ARHGAP24: variants seen among roughly 807,000 people sequenced by gnomAD.
ARHGAP24 encodes the protein Rho GTPase activating protein 24.
A neutral mutation model predicts 76.4 loss-of-function variants in ARHGAP24; 50 were observed. The observed-to-expected ratio is 0.65, with a 90% CI of 0.52 to 0.83. The LOEUF (loss-of-function observed/expected upper bound fraction) is 0.83. ARHGAP24 is among the 40% of genes least tolerant of loss of function. The pLI is 0.00. For synonymous variants in ARHGAP24, 345 were observed against 323.3 expected, an observed-to-expected ratio of 1.07 and a Z score of -0.72; for missense variants, 930 against 914.2, an observed-to-expected ratio of 1.02 and a Z score of -0.22.
intron 4 of ARHGAP24, chr4:85,931,063 T>C (rs926812394): frequency 8.7e-6 from 14 of 1,603,702 alleles, no homozygotes; most frequent in Non-Finnish European, 1.1e-5. Flanking sequence ...AATATGTTCA[T>C]GTCCTTTTTA....
intron 3 of ARHGAP24, among the ~76,000 whole-genome samples, chr4:85,760,064 GA>G (rs1012656505): frequency 4.5e-5 from 2 of 44,422 alleles, no homozygotes; most frequent in African/African-American, 4.1e-5. Flanking sequence ...TTCTTCTGAA[GA>G]AAAAAAATCA....
chr4:85,654,260 G>A (rs530542904), intron 2 of ARHGAP24, among the ~76,000 whole-genome samples: 1 of 152,220 alleles, frequency 6.6e-6, no homozygotes, highest in African/African-American at 2.4e-5. Flanking sequence ...CCTTTCCTCT[G>A]TGTGTACAGC....
At chr4:85,935,321 T>C (rs751166812) in intron 4 of ARHGAP24, among the ~76,000 whole-genome samples, 11 of 152,182 alleles carry the variant, frequency 7.2e-5, no homozygotes, top group Non-Finnish European at 1.5e-4. Context: ...CTCCTTGGAA[T>C]AACGAAACAT....
chr4:85,526,951 T>G (rs556532161), intron 1 of ARHGAP24, among the ~76,000 whole-genome samples: 1 of 152,206 alleles, frequency 6.6e-6, no homozygotes, highest in Non-Finnish European at 1.5e-5. Context: ...TGTAACTTAT[T>G]TCTTATAAGC....
chr4:85,958,512 G>A (rs1304214370), intron 5 of ARHGAP24, among the ~76,000 whole-genome samples: 1 of 152,052 alleles, frequency 6.6e-6, no homozygotes, highest in Non-Finnish European at 1.5e-5. Context: ...CTTCATTCAT[G>A]GTTTGAAACC....
In ARHGAP24 at chr4:85,981,887, C is replaced by T. The variant is rs187809032; in HGVS notation, c.928+4196C>T. ...AGCCGCTCTTCTTAAATTAACTCTT[C>T]GCATTTTCCAGTGAATATCTATGGG... On this transcript the variant is annotated intron_variant, in intron 8 of 9. Transcript: ENST00000395184. Among the ~76,000 whole-genome samples the T allele has an allele frequency of 7.5e-3, 1,136 of 152,180 alleles. 9 individuals are homozygous for T. Among genetic ancestry groups the T allele is most frequent in the South Asian group, 0.039 (186 of 4,818 alleles).
chr4:85,831,900 T>TAA (rs57600561), intron 3 of ARHGAP24, among the ~76,000 whole-genome samples: 3 of 137,418 alleles, frequency 2.2e-5, no homozygotes, highest in Non-Finnish European at 1.6e-5. Flanking sequence ...AGACTCTATC[T>TAA]AAAAAAAAAA....
At chr4:85,939,955 A>G (rs1337941192) in intron 4 of ARHGAP24, among the ~76,000 whole-genome samples, 1 of 152,100 alleles carries the variant, frequency 6.6e-6, no homozygotes, top group Non-Finnish European at 1.5e-5. Flanking sequence ...TCAACATATT[A>G]TTTTCTTAAA....
At chr4:85,789,897 G>T (rs986647094) in intron 3 of ARHGAP24, among the ~76,000 whole-genome samples, 1 of 152,172 alleles carries the variant, frequency 6.6e-6, no homozygotes, top group African/African-American at 2.4e-5. Flanking sequence ...CTTGCTTTAA[G>T]ATCTAAGTAA....
intron 3 of ARHGAP24, among the ~76,000 whole-genome samples, chr4:85,872,294 C>T (rs1343151778): frequency 2.0e-5 from 3 of 151,546 alleles, no homozygotes; most frequent in Non-Finnish European, 4.4e-5. Flanking sequence ...AGTTTTAAAA[C>T]ACTTTATTTT....
At chr4:85,727,865 T>C (rs1725228402) in intron 3 of ARHGAP24, among the ~76,000 whole-genome samples, 1 of 152,074 alleles carries the variant, frequency 6.6e-6, no homozygotes, top group Non-Finnish European at 1.5e-5. Flanking sequence ...GGAGGTGTTC[T>C]TTCCTCTTCC....
intron 2 of ARHGAP24, among the ~76,000 whole-genome samples, chr4:85,572,520 T>C (rs944223487): frequency 1.4e-4 from 21 of 152,184 alleles, no homozygotes; most frequent in Admixed American, 1.3e-4. Flanking sequence ...CTAGTGGTTA[T>C]ATTGATTAAA....
intron 2 of ARHGAP24, among the ~76,000 whole-genome samples, chr4:85,582,885 A>C (rs1727676348): frequency 1.3e-5 from 2 of 152,110 alleles, no homozygotes; most frequent in South Asian, 4.1e-4. Context: ...TTGTCTTTCC[A>C]AGTTTATGTG....
At chr4:85,673,447 A>G (rs7688899) in intron 2 of ARHGAP24, among the ~76,000 whole-genome samples, 81,741 of 151,574 alleles carry the variant, frequency 0.54, 23,175 homozygotes, top group Non-Finnish European at 0.64. Context: ...AAAATATGAA[A>G]TCTCTGTGAA....
At chr4:85,601,203 T>C (rs1039660742) in intron 2 of ARHGAP24, among the ~76,000 whole-genome samples, 3 of 152,226 alleles carry the variant, frequency 2.0e-5, no homozygotes, top group African/African-American at 4.8e-5. Flanking sequence ...GGAAGTGAAA[T>C]TATAACTGTT....
At chr4:85,541,248 G>A (rs2110123038) in intron 1 of ARHGAP24, among the ~76,000 whole-genome samples, 1 of 116,554 alleles carries the variant, frequency 8.6e-6, no homozygotes, top group South Asian at 2.4e-4. Context: ...CCGCCTCCCG[G>A]GTTCACGCCA....
At chr4:85,662,883 G>T in intron 2 of ARHGAP24, among the ~76,000 whole-genome samples, 1 of 152,104 alleles carries the variant, frequency 6.6e-6, no homozygotes, top group Non-Finnish European at 1.5e-5. Context: ...CTATACCTCT[G>T]TTTAGGTACC....
chr4:85,647,202 T>G (rs1045563044), intron 2 of ARHGAP24, among the ~76,000 whole-genome samples: 21 of 152,222 alleles, frequency 1.4e-4, no homozygotes, highest in South Asian at 6.2e-4. Flanking sequence ...ATAATTATTA[T>G]TATTAGTAGT....
intron 2 of ARHGAP24, among the ~76,000 whole-genome samples, chr4:85,589,924 A>G (rs997310502): frequency 1.3e-5 from 2 of 152,230 alleles, no homozygotes; most frequent in Non-Finnish European, 2.9e-5. Context: ...CCATTGCTGC[A>G]CATTGCAAAT....
Sources: allele counts gnomAD v4.1 joint callset (sites outside exome capture counted in the v4.1 genomes callset), GRCh38; gene constraint gnomAD v4.1.1; transcripts MANE v1.5; gene names NCBI Gene and HGNC (gene_info 2026-07-23, HGNC 2026-07-21).